Variants in MTR observed in about 807,000 individuals in gnomAD.
MTR encodes the protein 5-methyltetrahydrofolate-homocysteine methyltransferase, also known as methionine synthase.
MTR carries 84 observed loss-of-function variants against 154.8 expected under a neutral mutation model. The ratio of observed to expected loss-of-function variants is 0.54; its 90% confidence interval spans 0.45 to 0.65. The LOEUF (loss-of-function observed/expected upper bound fraction) is 0.65, where lower values mean the gene tolerates loss of function less well. Ranked by LOEUF, MTR falls within the 30% of genes least tolerant of loss-of-function variation. The pLI, the probability that MTR is intolerant of heterozygous loss-of-function variation, is 0.00. For missense variants in MTR, 1,275 were observed against 1,570.2 expected (o/e 0.81, Z 3.18); for synonymous variants, 554 against 553.9 (o/e 1.00, Z 0.00).
chr1:236,854,095 G>C (rs916015966), intron 18 of MTR, among the ~76,000 whole-genome samples: 3 of 152,326 alleles, frequency 2.0e-5, no homozygotes, highest in South Asian at 2.1e-4. Context: ...ATTTAGCTCT[G>C]ATAGAACTGC....
rs906174247 is a variant in MTR, at chr1:236,898,920, T to C, written c.*1276T>C. The C allele has an allele frequency of 6.6e-6, 1 of 152,210 alleles. No individual in the cohort carries two copies. Among genetic ancestry groups the C allele is most frequent in the Non-Finnish European group, 1.5e-5 (1 of 68,038 alleles). 9.4% of individuals were successfully genotyped at this position (152,210 alleles called of 1,614,324 possible). A position where few individuals can be genotyped will look rare whatever the true frequency, so the allele number is the denominator to read the frequency against. The stretch of plus-strand genomic sequence containing the variant: ...TCAACCATGTCATCTTTTTCTTGGA[T>C]GATTGCAGTTATTTCAAAAATTTGC... On this transcript the variant is annotated 3_prime_UTR_variant, in exon 33 of 33. Transcript: ENST00000366577.
intron 18 of MTR, among the ~76,000 whole-genome samples, chr1:236,856,186 C>G (rs1377537884): frequency 3.3e-5 from 5 of 151,338 alleles, no homozygotes; most frequent in African/African-American, 9.7e-5. Flanking sequence ...CACACCAGTT[C>G]CTTTTTTCAA....
chr1:236,826,953 C>A (rs2103107523), intron 11 of MTR, 57 bp downstream of exon 11: 2 of 1,477,014 alleles, frequency 1.4e-6, no homozygotes, highest in East Asian at 4.5e-5. Flanking sequence ...AGGTAATAAT[C>A]TAAATATGTA....
At chr1:236,817,485 T>A (rs1175102445) in intron 8 of MTR, among the ~76,000 whole-genome samples, 1 of 152,222 alleles carries the variant, frequency 6.6e-6, no homozygotes, top group African/African-American at 2.4e-5. Flanking sequence ...TTGTTGAGAG[T>A]TTGCTGTGTG....
chr1:236,815,907 T>C (rs1661565025), intron 7 of MTR, among the ~76,000 whole-genome samples: 1 of 152,178 alleles, frequency 6.6e-6, no homozygotes, highest in Non-Finnish European at 1.5e-5. Flanking sequence ...AAGCCCACTG[T>C]ATTGGTCCTT....
intron 13 of MTR, 103 bp downstream of exon 13, chr1:236,832,181 T>C: frequency 3.2e-6 from 3 of 942,626 alleles, no homozygotes; most frequent in Non-Finnish European, 5.1e-6. Context: ...TTAGCAGAGC[T>C]GCTAGAAAGT....
chr1:236,856,548 A>G (rs1275505348), intron 18 of MTR, among the ~76,000 whole-genome samples: 1 of 119,770 alleles, frequency 8.3e-6, no homozygotes, highest in African/African-American at 3.1e-5. Flanking sequence ...TATTATTTTT[A>G]TACTTTAAGT....
chr1:236,876,291 T>C (rs1008489117), intron 24 of MTR, among the ~76,000 whole-genome samples: 5 of 152,230 alleles, frequency 3.3e-5, no homozygotes, highest in Admixed American at 6.5e-5. Context: ...CTTGAAGGAT[T>C]CGATAGTTTG....
At chr1:236,840,833 G>A (rs1663187966) in intron 15 of MTR, among the ~76,000 whole-genome samples, 1 of 152,152 alleles carries the variant, frequency 6.6e-6, no homozygotes, top group Non-Finnish European at 1.5e-5. Context: ...CCTAATTCAT[G>A]CAGCGATTTC....
Position 236,895,351 on chromosome 1 carries a change from T to G in MTR, c.3406-7T>G. 1 of 1,588,632 alleles carries G rather than the reference T, an allele frequency of 6.3e-7. No homozygotes were observed. The highest frequency in any genetic ancestry group is 8.6e-7 in the Non-Finnish European group (1 of 1,166,216). ...GCCTAAGCATGCCTGCTGCTTTGGG[T>G]CCCAAGGCCTTTGCAGAAGAGCTCC... On this transcript the variant is annotated splice_region_variant and splice_polypyrimidine_tract_variant and intron_variant, in intron 30 of 32. Coordinates refer to ENST00000366577, the MANE Select transcript of MTR (RefSeq NM_000254.3).
At chr1:236,895,260 G>C (rs1666557022) in intron 30 of MTR, 98 bp from the exon 31 acceptor site, 3 of 1,310,622 alleles carry the variant, frequency 2.3e-6, no homozygotes, top group Non-Finnish European at 3.2e-6. Flanking sequence ...CCAGATGAGG[G>C]AGGGTGTCCT....
intron 8 of MTR, chr1:236,820,527 C>A: frequency 2.6e-6 from 2 of 780,784 alleles, no homozygotes; most frequent in South Asian, 1.4e-5. Flanking sequence ...TTAAGCTGTT[C>A]TTACCTGGGC....
intron 27 of MTR, among the ~76,000 whole-genome samples, chr1:236,887,481 G>A (rs1049832554): frequency 2.6e-5 from 4 of 152,212 alleles, no homozygotes; most frequent in Non-Finnish European, 5.9e-5. Context: ...ATAAATTGCT[G>A]TATAGTTCAA....
intron 12 of MTR, among the ~76,000 whole-genome samples, 170 bp downstream of exon 12, chr1:236,829,438 G>A (rs1427189039): frequency 6.6e-6 from 1 of 152,128 alleles, no homozygotes; most frequent in Non-Finnish European, 1.5e-5. Flanking sequence ...GTTTTTCCAG[G>A]GCTGGGGCAA....
chr1:236,902,475 TAGTG>T lies in MTR; in HGVS notation c.*4832_*4835del, dbSNP rs950632229. On this transcript the variant is annotated 3_prime_UTR_variant, in exon 33 of 33. Transcript: ENST00000366577. ...ACTCATCTTTATATGGCGTCTAAAA[TAGTG>T]CTTGCTTTATGATAGGTGCTCAGTA... The T allele has an allele frequency of 2.0e-5, 3 of 152,336 alleles. No individual in the cohort carries two copies. Among genetic ancestry groups the T allele is most frequent in the African/African-American group, 7.2e-5 (3 of 41,560 alleles). 9.4% of individuals were successfully genotyped at this position (152,336 alleles called of 1,614,324 possible).
At position 236,897,852 on chromosome 1, in the gene MTR, C is replaced by T. The variant is rs755483276; in HGVS notation, c.*208C>T. The T allele has an allele frequency of 5.1e-6, 3 of 589,674 alleles. No homozygotes were observed. The highest frequency in any genetic ancestry group is 5.8e-5 in the East Asian group (2 of 34,346). The allele number at this position is 589,674 out of a possible 1,614,324, so 36.5% of individuals were successfully genotyped here. ...AAAACAGGCGCTGTTTTTTTGGGAC[C>T]TTGCGTGAAGAGCAGTGAGCAGGGT... On this transcript the variant is annotated 3_prime_UTR_variant, in exon 33 of 33. Transcript: ENST00000366577.
intron 1 of MTR, among the ~76,000 whole-genome samples, chr1:236,801,034 G>A (rs1192837327): frequency 6.6e-6 from 1 of 152,206 alleles, no homozygotes; most frequent in Non-Finnish European, 1.5e-5. Flanking sequence ...TGATAGGATA[G>A]TCACATCATG....
intron 25 of MTR, among the ~76,000 whole-genome samples, chr1:236,882,599 G>C (rs1041951148): frequency 6.6e-6 from 1 of 152,056 alleles, no homozygotes; most frequent in Admixed American, 6.6e-5. Context: ...CACCATGTTG[G>C]CCAGGCTGGT....
intron 22 of MTR, 35 bp downstream of exon 22, chr1:236,863,589 C>G: frequency 6.4e-7 from 1 of 1,566,740 alleles, no homozygotes; most frequent in Non-Finnish European, 8.8e-7. Context: ...AACCCCTTTT[C>G]CATTTAAAAA....
Sources: gnomAD v4.1 joint callset for allele counts (sites outside exome capture counted in the v4.1 genomes callset) on GRCh38, gnomAD v4.1.1 for gene constraint, MANE v1.5 for transcripts, NCBI Gene and HGNC (gene_info 2026-07-23, HGNC 2026-07-21) for gene names.